The following MCF2L variants were observed in gnomAD, a reference collection of about 807,000 sequenced individuals.
MCF2L encodes guanine nucleotide exchange factor DBS.
In MCF2L, 97 loss-of-function variants were observed where a neutral mutation model predicts 153.4. The observed-to-expected ratio is 0.63, with a 90% CI of 0.54 to 0.75. MCF2L has a LOEUF of 0.75. Ranked by LOEUF, MCF2L falls within the 30% of genes least tolerant of loss-of-function variation. The pLI is 0.00. For synonymous variants in MCF2L, 659 were observed against 632.2 expected, an observed-to-expected ratio of 1.04 and a Z score of -0.64; for missense variants, 1,347 against 1,495.2, an observed-to-expected ratio of 0.90 and a Z score of 1.64.
intron 2 of MCF2L, chr13:112,957,551 C>CAGAT: frequency 6.6e-6 from 1 of 152,176 alleles, no homozygotes; most frequent in East Asian, 1.9e-4. Flanking sequence ...AGATAGACGC[C>CAGAT]AGATAGACGC....
Position 113,046,708 on chromosome 13 carries a change from G to A in MCF2L, c.369+1347G>A. 2 of 522,950 alleles carry A rather than the reference G, an allele frequency of 3.8e-6. No individual in the cohort carries two copies. Among genetic ancestry groups the A allele is most frequent in the South Asian group, 2.8e-5 (2 of 70,644 alleles). The allele number at this position is 522,950 out of a possible 1,614,324, so 32.4% of individuals were successfully genotyped here. ...AGTCTTTAGGATGAGGCATCTCCTT[G>A]CACCCCCACGGCACCTCTCTGCCCC... On this transcript the variant is annotated intron_variant, in intron 4 of 29. Transcript: ENST00000535094. The surrounding 1 kb of genome is among the most constrained non-coding windows in gnomAD (Gnocchi z 4.4).
At chr13:113,071,147 G>A (rs959294920) in intron 9 of MCF2L, among the ~76,000 whole-genome samples, 2 of 152,150 alleles carry the variant, frequency 1.3e-5, no homozygotes, top group African/African-American at 2.4e-5. Flanking sequence ...TGTTGATGGT[G>A]CTAAACACCT....
intron 2 of MCF2L, among the ~76,000 whole-genome samples, chr13:112,930,389 GA>G (rs1230382091): frequency 1.3e-5 from 2 of 152,318 alleles, no homozygotes; most frequent in East Asian, 3.9e-4. Flanking sequence ...GTCATGAAGA[GA>G]CATAGAGGAA....
chr13:113,033,716 C>G (rs536397036), intron 3 of MCF2L, among the ~76,000 whole-genome samples: 1 of 152,178 alleles, frequency 6.6e-6, no homozygotes, highest in Non-Finnish European at 1.5e-5. Flanking sequence ...GTGCTGGCCC[C>G]GGTCGCCCTC....
In MCF2L at chr13:113,098,734, G is replaced by A. The variant is rs761061331; in HGVS notation, c.*1875G>A. On this transcript the variant is annotated 3_prime_UTR_variant, in exon 30 of 30. Coordinates refer to ENST00000535094, the MANE Select transcript of MCF2L (RefSeq NM_001112732.3). ...CTTTCTTCTGTCAGACGGCGATGAT[G>A]ACAAAATAGCAACAAGGTTGTGCGT... is the stretch of plus-strand genomic sequence containing the variant. The A allele has an allele frequency of 1.3e-5, 2 of 152,250 alleles. No individual in the cohort carries two copies. The highest frequency in any genetic ancestry group is 2.9e-5 in the Non-Finnish European group (2 of 68,048). 9.4% of individuals were successfully genotyped at this position (152,250 alleles called of 1,614,324 possible).
At chr13:112,987,092 G>T (rs1429990377) in intron 1 of MCF2L, among the ~76,000 whole-genome samples, 1 of 148,358 alleles carries the variant, frequency 6.7e-6, no homozygotes, top group Non-Finnish European at 1.5e-5. Flanking sequence ...TACACAGATG[G>T]CACCCGGTGA....
At chr13:112,920,047 G>T (rs992744351) in intron 2 of MCF2L, among the ~76,000 whole-genome samples, 3 of 152,166 alleles carry the variant, frequency 2.0e-5, no homozygotes, top group Non-Finnish European at 4.4e-5. Flanking sequence ...TTTATCTCAA[G>T]CTGTGCTGTC....
chr13:113,062,865 C>G (rs539487605), intron 5 of MCF2L, among the ~76,000 whole-genome samples: 1 of 152,124 alleles, frequency 6.6e-6, no homozygotes, highest in Non-Finnish European at 1.5e-5. Flanking sequence ...CTTATGCGGC[C>G]GTCGCAACCA....
At chr13:112,981,981 G>T (rs2082445934) in intron 1 of MCF2L, among the ~76,000 whole-genome samples, 1 of 152,228 alleles carries the variant, frequency 6.6e-6, no homozygotes, top group African/African-American at 2.4e-5. Flanking sequence ...GACTGGGCAG[G>T]CCCCGGTCAG....
chr13:113,032,662 G>T (rs1157831791), intron 3 of MCF2L, among the ~76,000 whole-genome samples: 1 of 152,128 alleles, frequency 6.6e-6, no homozygotes, highest in Non-Finnish European at 1.5e-5. Context: ...TCAACCTCCT[G>T]GGCCCAAGGT....
At chr13:112,922,529 A>AT (rs1371883019) in intron 2 of MCF2L, among the ~76,000 whole-genome samples, 14 of 147,828 alleles carry the variant, frequency 9.5e-5, no homozygotes, top group African/African-American at 3.6e-4. Flanking sequence ...TTCACAACAC[A>AT]TAAAAAAAAA....
In MCF2L at chr13:112,941,568, A is replaced by G. The variant is rs2081575956; in HGVS notation, c.169+39197A>G. Among the ~76,000 whole-genome samples the G allele has an allele frequency of 6.6e-6, 1 of 151,902 alleles. No individual in the cohort carries two copies. The highest frequency in any genetic ancestry group is 1.5e-5 in the Non-Finnish European group (1 of 67,980). The stretch of plus-strand genomic sequence containing the variant: ...GTGATCGAGTTCACAAACAGCCTTG[A>G]TGTTGTCATGGAGTTTTCTGAAATT... On this transcript the variant is annotated intron_variant, in intron 2 of 29. Coordinates refer to the MCF2L transcript ENST00000375608. This position sits in a 1 kb window ranked among gnomAD's most constrained non-coding sequence, Gnocchi z 4.9.
intron 2 of MCF2L, among the ~76,000 whole-genome samples, chr13:112,918,081 G>A (rs1418425179): frequency 6.6e-6 from 1 of 152,212 alleles, no homozygotes; most frequent in Admixed American, 6.5e-5. Context: ...ACCTAGTTGG[G>A]TGTTAACCTC....
intron 3 of MCF2L, chr13:113,040,412 C>CTCTGTGTGTGTG (rs1555372582): frequency 7.1e-6 from 1 of 140,166 alleles, no homozygotes; most frequent in African/African-American, 2.8e-5. Flanking sequence ...GAGGGCCTTC[C>CTCTGTGTGTGTG]TGTGTGTGTG....
At chr13:112,979,998 T>C (rs2082347539) in intron 1 of MCF2L, among the ~76,000 whole-genome samples, 1 of 152,216 alleles carries the variant, frequency 6.6e-6, no homozygotes, top group Admixed American at 6.5e-5. Flanking sequence ...TTCTGGAACC[T>C]GGGCTTACGA....
chr13:113,057,274 G>A (rs113620648), intron 4 of MCF2L, among the ~76,000 whole-genome samples: 223 of 140,524 alleles, frequency 1.6e-3, no homozygotes, highest in African/African-American at 5.6e-3. Flanking sequence ...GTGCTGAGTG[G>A]GTGCTGTGTT....
chr13:112,917,830 C>T (rs1318330542), intron 2 of MCF2L, among the ~76,000 whole-genome samples: 1 of 152,160 alleles, frequency 6.6e-6, no homozygotes, highest in African/African-American at 2.4e-5. Flanking sequence ...AGGTTGAAGA[C>T]TTACAAGAAA....
At chr13:113,075,944 C>G (rs201880885) in intron 11 of MCF2L, 22 bp from the exon 12 acceptor site, 8 of 1,580,436 alleles carry the variant, frequency 5.1e-6, no homozygotes, top group Non-Finnish European at 6.0e-6. Context: ...GTCCTGCCCT[C>G]GGCAATGCTC....
At chr13:112,974,450 G>C (rs1192412090) in intron 1 of MCF2L, among the ~76,000 whole-genome samples, 1 of 152,198 alleles carries the variant, frequency 6.6e-6, no homozygotes, top group African/African-American at 2.4e-5. Context: ...CCCCTGGCAT[G>C]CTGCTGTTCT....
Sources: allele counts gnomAD v4.1 joint callset (sites outside exome capture counted in the v4.1 genomes callset), GRCh38; gene constraint gnomAD v4.1.1; non-coding constraint Gnocchi (gnomAD v3.1); transcripts MANE v1.5; gene names NCBI Gene and HGNC (gene_info 2026-07-23, HGNC 2026-07-21).